Variants in PTPRO observed in about 807,000 individuals in gnomAD.
PTPRO encodes the protein protein tyrosine phosphatase receptor type O, also known as receptor-type tyrosine-protein phosphatase O.
PTPRO carries 62 observed loss-of-function variants against 145.2 expected under a neutral mutation model. The observed-to-expected ratio is 0.43, with a 90% CI of 0.35 to 0.53. The LOEUF is 0.53. Ranked by LOEUF, PTPRO falls within the 20% of genes least tolerant of loss-of-function variation. The pLI is 0.01. For missense variants in PTPRO, 1,345 were observed against 1,482.7 expected, an observed-to-expected ratio of 0.91 and a Z score of 1.53; for synonymous variants, 565 against 514.7, an observed-to-expected ratio of 1.10 and a Z score of -1.32.
intron 23 of PTPRO, among the ~76,000 whole-genome samples, chr12:15,586,618 A>G (rs1944435129): frequency 6.6e-6 from 1 of 152,212 alleles, no homozygotes; most frequent in African/African-American, 2.4e-5. Flanking sequence ...CAGCTTCTAA[A>G]TGACAGAGCC....
At chr12:15,375,580 A>G (rs1938658587) in intron 1 of PTPRO, among the ~76,000 whole-genome samples, 2 of 151,818 alleles carry the variant, frequency 1.3e-5, no homozygotes, top group South Asian at 4.2e-4. Flanking sequence ...AGATGGTGAA[A>G]CCCCATCTTT....
At chr12:15,412,758 G>C (rs1374910630) in intron 1 of PTPRO, among the ~76,000 whole-genome samples, 2 of 152,150 alleles carry the variant, frequency 1.3e-5, no homozygotes, top group African/African-American at 4.8e-5. Flanking sequence ...ACATTCCAGT[G>C]TATAGAGGCT....
chr12:15,474,245 C>G lies in PTPRO; in HGVS notation c.76-9729C>G, dbSNP rs79174284. 1.8e-3 allele frequency among the ~76,000 whole-genome samples: 269 copies of G among 152,296 alleles called. 3 individuals are homozygous for G. In the East Asian group the frequency reaches 0.028, roughly 16 times the overall value. On this transcript the variant is annotated intron_variant, in intron 1 of 26. Transcript: ENST00000281171. ...AGCTTTCCTTCAATTCTGACTAGAA[C>G]ATATCTCTGACCCGTTTTTGTCCTT... is the stretch of plus-strand genomic sequence containing the variant.
intron 2 of PTPRO, among the ~76,000 whole-genome samples, chr12:15,493,688 T>G (rs961886075): frequency 2.6e-5 from 4 of 152,194 alleles, no homozygotes; most frequent in African/African-American, 4.8e-5. Context: ...TATCATACAC[T>G]GCTAATAGAT....
At chr12:15,386,856 C>T (rs1229783417) in intron 1 of PTPRO, among the ~76,000 whole-genome samples, 1 of 152,318 alleles carries the variant, frequency 6.6e-6, no homozygotes, top group East Asian at 1.9e-4. Context: ...TTCCCACCTT[C>T]CTCTCCAACA....
At position 15,520,218 on chromosome 12, in the gene PTPRO, G is replaced by T. The variant is rs145710373; in HGVS notation, c.1797G>T (p.Leu599=). Residue 599 remains leucine (L), a synonymous_variant, in exon 10 of 27, where the codon CTG becomes CTT. Transcript: ENST00000281171. ...LTASVRIANL[L]PAWYYNFRVT... Reference sequence around the variant, plus strand: ...TCATTCAGAGAATAGCTAATCTGCTGCCAGCATGGTACTACAACTTCCGGG... The same window carrying T: ...TCATTCAGAGAATAGCTAATCTGCTTCCAGCATGGTACTACAACTTCCGGG... The T allele has an allele frequency of 6.2e-7, 1 of 1,613,612 alleles. No individual in the cohort carries two copies. The highest frequency in any genetic ancestry group is 1.3e-5 in the African/African-American group (1 of 75,006).
At chr12:15,547,476 T>G (rs1360594826) in intron 13 of PTPRO, among the ~76,000 whole-genome samples, 1 of 152,204 alleles carries the variant, frequency 6.6e-6, no homozygotes, top group Admixed American at 6.5e-5. Flanking sequence ...AAGTAATTGA[T>G]CTTTTTTAAA....
At chr12:15,497,173 A>C (rs1942123893) in intron 2 of PTPRO, 72 bp from the exon 3 acceptor site, 1 of 1,368,000 alleles carries the variant, frequency 7.3e-7, no homozygotes, top group South Asian at 1.2e-5. Context: ...ATCCTTGCTT[A>C]ATTCAAGTAT....
At chr12:15,510,746 A>G (rs146097331) in intron 7 of PTPRO, among the ~76,000 whole-genome samples, 120 of 152,306 alleles carry the variant, frequency 7.9e-4, no homozygotes, top group African/African-American at 2.8e-3. Context: ...ATACCACTAT[A>G]GTCCATTATG....
At chr12:15,446,044 A>G (rs976463112) in intron 1 of PTPRO, among the ~76,000 whole-genome samples, 2 of 152,156 alleles carry the variant, frequency 1.3e-5, no homozygotes. Flanking sequence ...TAAACAGTGA[A>G]CCACTCATTA....
chr12:15,429,869 C>T (rs1008638474), intron 1 of PTPRO, among the ~76,000 whole-genome samples: 11 of 151,848 alleles, frequency 7.2e-5, no homozygotes, highest in African/African-American at 2.7e-4. Context: ...AACAATAGAA[C>T]CTGATGATAA....
intron 1 of PTPRO, among the ~76,000 whole-genome samples, chr12:15,351,310 A>G (rs190411709): frequency 6.6e-6 from 1 of 152,288 alleles, no homozygotes; most frequent in Admixed American, 6.5e-5. Flanking sequence ...TGTCATTAAT[A>G]TGTACTTTTA....
intron 23 of PTPRO, 118 bp from the exon 24 acceptor site, chr12:15,586,779 G>T: frequency 8.9e-7 from 1 of 1,118,404 alleles, no homozygotes; most frequent in Non-Finnish European, 1.3e-6. Flanking sequence ...AAAGGAAAGT[G>T]TACTGACCAG....
At chr12:15,562,642 G>C (rs967025758) in intron 17 of PTPRO, among the ~76,000 whole-genome samples, 3 of 151,942 alleles carry the variant, frequency 2.0e-5, no homozygotes, top group Non-Finnish European at 2.9e-5. Context: ...TCAGGATTGT[G>C]TTCTGCAAGG....
chr12:15,515,528 C>A lies in PTPRO; in HGVS notation c.1495C>A (p.Leu499Met). ...CTCAAGCAAACCTATTATTGAAAAT[C>A]TGGTTCCTGGTGCCCAGTACCAGGT... is the stretch of plus-strand genomic sequence containing the variant. Reference protein sequence around the residue: ...VNSSKPIIENLVPGAQYQVVI... With the variant: ...VNSSKPIIENMVPGAQYQVVI... Residue 499 changes from leucine to methionine, a missense_variant, in exon 8 of 27, where the codon CTG (leucine) becomes ATG (methionine). Around this residue, in one of 3 missense-constraint regions of PTPRO, gnomAD observed 1,130 missense variants for 1,214.7 expected, o/e 0.93. Coordinates refer to ENST00000281171, the MANE Select transcript of PTPRO (RefSeq NM_030667.3). The A allele has an allele frequency of 6.2e-7, 1 of 1,613,912 alleles. No individual in the cohort carries two copies. Among genetic ancestry groups the A allele is most frequent in the Non-Finnish European group, 8.5e-7 (1 of 1,179,854 alleles).
intron 1 of PTPRO, among the ~76,000 whole-genome samples, chr12:15,385,134 CA>C (rs145947373): frequency 1.1e-3 from 167 of 152,228 alleles, no homozygotes; most frequent in African/African-American, 3.9e-3. Context: ...CAACAATTTA[CA>C]GGGCTGAAAA....
In PTPRO at chr12:15,355,241, C is replaced by T. The variant is rs1937947937; in HGVS notation, c.75+32440C>T. ...CCTCAGTTATTGCTCTTTTACTCCC[C>T]AAAATCTTCCCCTACAAAGGACTAA... On this transcript the variant is annotated intron_variant, in intron 1 of 26. Coordinates refer to ENST00000281171, the MANE Select transcript of PTPRO (RefSeq NM_030667.3). Among the ~76,000 whole-genome samples the T allele has an allele frequency of 2.6e-5, 4 of 152,126 alleles. No individual in the cohort carries two copies. The South Asian group carries it at 8.3e-4, about 32-fold the overall frequency.
intron 1 of PTPRO, among the ~76,000 whole-genome samples, chr12:15,420,148 G>GAAAA (rs35302259): frequency 4.9e-5 from 4 of 81,700 alleles, no homozygotes; most frequent in Non-Finnish European, 6.9e-5. Flanking sequence ...CTCCGACTCA[G>GAAAA]AAAAAAAAAA....
At chr12:15,579,731 T>C (rs1944268325) in intron 20 of PTPRO, among the ~76,000 whole-genome samples, 1 of 152,194 alleles carries the variant, frequency 6.6e-6, no homozygotes, top group Non-Finnish European at 1.5e-5. Context: ...CTATATACTA[T>C]AGCTGTCCAA....
Sources: gnomAD v4.1 joint callset for allele counts (sites outside exome capture counted in the v4.1 genomes callset) on GRCh38, gnomAD v4.1.1 for gene constraint, gnomAD v4.1.1 regional missense constraint, MANE v1.5 for transcripts, NCBI Gene and HGNC (gene_info 2026-07-23, HGNC 2026-07-21) for gene names.